The following MCTP2 variants were observed in gnomAD, a reference collection of about 807,000 sequenced individuals.
MCTP2 encodes multiple C2 and transmembrane domain containing 2, also known as multiple C2 and transmembrane domain-containing protein 2.
A neutral mutation model predicts 111.6 loss-of-function variants in MCTP2; 132 were observed. The ratio of observed to expected loss-of-function variants is 1.18; its 90% CI spans 1.03 to 1.37. The LOEUF (loss-of-function observed/expected upper bound fraction) is 1.37, where lower values mean the gene tolerates loss of function less well. Ranked by LOEUF, MCTP2 falls within the 40% of genes most tolerant of loss-of-function variation. The pLI, the probability that MCTP2 is intolerant of heterozygous loss-of-function variation, is 0.00. For synonymous variants in MCTP2, 395 were observed against 387.7 expected, an observed-to-expected ratio of 1.02 and a Z score of -0.22; for missense variants, 1,183 against 1,067.9, an observed-to-expected ratio of 1.11 and a Z score of -1.50.
At chr15:94,248,679 T>A (rs1030281489) in intron 1 of MCTP2, among the ~76,000 whole-genome samples, 1 of 152,214 alleles carries the variant, frequency 6.6e-6, no homozygotes, top group African/African-American at 2.4e-5. Context: ...TCCTCTACTT[T>A]AAGTCTAAAT....
rs193151060 is a variant in MCTP2 at position 94,249,413 on chromosome 15, C to G, written c.-66+17749C>G. Reference sequence around the variant, plus strand: ...TGGAGATGGTAATACCAGCCTAGAGCCATTGCTCCCCTTTCCAAAGCCCAA... The same window carrying G: ...TGGAGATGGTAATACCAGCCTAGAGGCATTGCTCCCCTTTCCAAAGCCCAA... On this transcript the variant is annotated intron_variant, in intron 1 of 22. Coordinates refer to ENST00000357742, the MANE Select transcript of MCTP2 (RefSeq NM_001385001.1). Among the ~76,000 whole-genome samples, 222 of 152,148 alleles carry G rather than the reference C, an allele frequency of 1.5e-3. 1 individual carries two copies. The highest frequency in any genetic ancestry group is 5.3e-3 in the African/African-American group (218 of 41,502).
intron 2 of MCTP2, among the ~76,000 whole-genome samples, chr15:94,307,684 T>A (rs1241892311): frequency 6.6e-6 from 1 of 152,218 alleles, no homozygotes; most frequent in Admixed American, 6.5e-5. Context: ...CAGTGCTTGC[T>A]GTGTCTGCTG....
chr15:94,239,672 T>C (rs778648570), intron 1 of MCTP2, among the ~76,000 whole-genome samples: 9 of 152,248 alleles, frequency 5.9e-5, no homozygotes, highest in Non-Finnish European at 8.8e-5. Flanking sequence ...AGGTAGAATT[T>C]ATCTGACATT....
chr15:94,361,084 G>GTTTTTTTTTTTTTTTTTTTTTT, intron 10 of MCTP2, among the ~76,000 whole-genome samples: 1 of 8,400 alleles, frequency 1.2e-4, no homozygotes, highest in Non-Finnish European at 2.6e-4. Context: ...AATATTTCAA[G>GTTTTTTTTTTTTTTTTTTTTTT]TTTTTTTTTT....
intron 4 of MCTP2, among the ~76,000 whole-genome samples, chr15:94,330,521 T>TTC (rs1555453713): frequency 1.3e-5 from 2 of 151,036 alleles, no homozygotes; most frequent in African/African-American, 4.9e-5. Context: ...TATTTTTTTT[T>TTC]CTCCTCTAAA....
chr15:94,398,954 G>A lies in MCTP2; in HGVS notation c.1789-7G>A, dbSNP rs369624509. On this transcript the variant is annotated splice_region_variant and splice_polypyrimidine_tract_variant and intron_variant, in intron 14 of 22. Coordinates refer to ENST00000357742, the MANE Select transcript of MCTP2 (RefSeq NM_001385001.1). ...CCAATGTGTATTTTGTCTTTTGTTT[G>A]TGACAGATTAGAGATGGACAACCGA... 11 of 1,503,824 alleles carry A rather than the reference G, an allele frequency of 7.3e-6. No individual in the cohort carries two copies. In the African/African-American group the frequency reaches 1.5e-4, roughly 21 times the overall value. 93.2% of individuals were successfully genotyped at this position (1,503,824 alleles called of 1,614,324 possible). A position where few individuals can be genotyped will look rare whatever the true frequency, so the allele number is the denominator to read the frequency against.
At chr15:94,373,447 A>G (rs1189029379) in intron 12 of MCTP2, among the ~76,000 whole-genome samples, 2 of 152,260 alleles carry the variant, frequency 1.3e-5, no homozygotes, top group African/African-American at 4.8e-5. Context: ...TACCAGGATT[A>G]TATTTACAAA....
chr15:94,243,736 T>TATATTTATGA, intron 1 of MCTP2, among the ~76,000 whole-genome samples: 1 of 140,576 alleles, frequency 7.1e-6, no homozygotes, highest in Non-Finnish European at 1.5e-5. Flanking sequence ...CATATGTGTA[T>TATATTTATGA]ACATATATGT....
intron 1 of MCTP2, among the ~76,000 whole-genome samples, chr15:94,279,347 C>T (rs2074367269): frequency 6.6e-6 from 1 of 152,002 alleles, no homozygotes; most frequent in Non-Finnish European, 1.5e-5. Context: ...CTGGTTAGTT[C>T]ATTCCTAGGT....
intron 19 of MCTP2, among the ~76,000 whole-genome samples, chr15:94,445,936 C>T (rs547075001): frequency 6.6e-6 from 1 of 152,312 alleles, no homozygotes; most frequent in Admixed American, 6.5e-5. Flanking sequence ...AAGATAAAAG[C>T]GTGCCGGGGC....
chr15:94,284,264 T>A (rs75176365), intron 1 of MCTP2, among the ~76,000 whole-genome samples: 2,800 of 152,336 alleles, frequency 0.018, 84 homozygotes, highest in African/African-American at 0.063. Flanking sequence ...CATGGCCATT[T>A]TAACAACCAA....
At chr15:94,372,129 G>T (rs1567554694) in intron 12 of MCTP2, among the ~76,000 whole-genome samples, 1 of 152,176 alleles carries the variant, frequency 6.6e-6, no homozygotes, top group Admixed American at 6.5e-5. Flanking sequence ...AGTGCATGAA[G>T]GTAAGTACCA....
intron 1 of MCTP2, among the ~76,000 whole-genome samples, chr15:94,245,307 T>G (rs111208067): frequency 0.014 from 2,030 of 142,348 alleles, 49 homozygotes; most frequent in African/African-American, 0.048. Flanking sequence ...TTTATATACA[T>G]ATATGTACAT....
intron 4 of MCTP2, among the ~76,000 whole-genome samples, chr15:94,316,406 G>T (rs117121041): frequency 6.6e-6 from 1 of 152,248 alleles, no homozygotes; most frequent in East Asian, 1.9e-4. Flanking sequence ...ATGGCATGTG[G>T]TTAAGAGCAG....
intron 14 of MCTP2, among the ~76,000 whole-genome samples, chr15:94,398,519 T>C (rs574056727): frequency 2.2e-4 from 33 of 152,328 alleles, no homozygotes; most frequent in African/African-American, 6.0e-4. Context: ...CAATATCTTT[T>C]TTCTGTTCAA....
intron 1 of MCTP2, among the ~76,000 whole-genome samples, chr15:94,285,003 C>CCACT (rs2074683378): frequency 6.6e-6 from 1 of 152,144 alleles, no homozygotes; most frequent in South Asian, 2.1e-4. Context: ...GTCTCTAAGA[C>CCACT]CACTCTCAGC....
chr15:94,302,778 G>A (rs1037841459), intron 2 of MCTP2, among the ~76,000 whole-genome samples: 3 of 152,112 alleles, frequency 2.0e-5, no homozygotes, highest in African/African-American at 4.8e-5. Context: ...TGCTTTTCAT[G>A]TTTGTGGGGT....
intron 1 of MCTP2, among the ~76,000 whole-genome samples, chr15:94,268,181 TTTC>T (rs1302790307): frequency 5.5e-5 from 3 of 54,808 alleles, no homozygotes; most frequent in Non-Finnish European, 5.0e-5. Context: ...TCATTCTTTC[TTTC>T]TTTTTTTTTT....
chr15:94,354,747 C>T (rs544757464), intron 8 of MCTP2, among the ~76,000 whole-genome samples: 10 of 152,224 alleles, frequency 6.6e-5, no homozygotes, highest in African/African-American at 1.7e-4. Context: ...GGCATTGTTG[C>T]GTCACTTATT....
Sources: allele counts gnomAD v4.1 joint callset (sites outside exome capture counted in the v4.1 genomes callset), GRCh38; gene constraint gnomAD v4.1.1; transcripts MANE v1.5; gene names NCBI Gene and HGNC (gene_info 2026-07-23, HGNC 2026-07-21).